Variants in ASAH1 observed in about 807,000 individuals in gnomAD.
ASAH1 encodes N-acylsphingosine amidohydrolase 1.
Under a neutral mutation model 59.5 loss-of-function variants are expected in ASAH1, and 70 were observed. The observed-to-expected ratio is 1.18, with a 90% confidence interval of 0.97 to 1.43. ASAH1 has a LOEUF of 1.43. Ranked by LOEUF, ASAH1 falls within the 40% of genes most tolerant of loss-of-function variation. ASAH1 has a pLI of 0.00. For missense variants in ASAH1, 660 were observed against 482.5 expected (o/e 1.37, Z -3.45); for synonymous variants, 213 against 166.5 (o/e 1.28, Z -2.15).
rs368509218 is a variant in ASAH1 at position 18,084,009 on chromosome 8, C to T, written c.50G>A (p.Ser17Asn). 1 of 1,598,296 alleles carries T rather than the reference C, an allele frequency of 6.3e-7. No individual in the cohort carries two copies. The highest frequency in any genetic ancestry group is 1.1e-5 in the South Asian group (1 of 91,066). Reference protein sequence around the residue: ...VALVLLAAAVSCAVAQHAPPW... With the variant: ...VALVLLAAAVNCAVAQHAPPW... ...CGGCGCGTGCTGCGCGACGGCACAG[C>T]TGACGGCGGCAGCCAGGAGGACTAA... Residue 17 changes from serine (S) to asparagine (N), a missense_variant, in exon 1 of 14, where the codon AGC becomes AAC. Transcript: ENST00000637790.
chr8:18,058,760 G>C (rs534249736), intron 13 of ASAH1, 75 bp downstream of exon 13: 3 of 1,316,792 alleles, frequency 2.3e-6, no homozygotes, highest in South Asian at 1.2e-5. Context: ...ACTGATCAAA[G>C]ATAACAGAGA....
At chr8:18,067,100 T>TGCACCTGTGCTGTATATCGAAGACATACA in intron 5 of ASAH1, 120 bp downstream of exon 5, 1 of 548,496 alleles carries the variant, frequency 1.8e-6, no homozygotes, top group South Asian at 3.8e-5. Context: ...CTAAGACCTG[T>TGCACCTGTGCTGTATATCGAAGACATACA]GCACCTGTGC....
rs1376132586 is a variant in ASAH1 at position 18,061,687 on chromosome 8, C to T, written c.702G>A (p.Leu234=). ...TTCACTTGAGAATGCTCTACTTACC[C>T]AGATAACCACCATTTATACTGAAAC... ...NERFSINGGY[L]GILEWILGKK... is the part of the protein sequence containing the mutation. Residue 234 remains leucine (L), a splice_region_variant and synonymous_variant, in exon 9 of 14, where the codon CTG becomes CTA. Coordinates refer to ENST00000637790, the MANE Select transcript of ASAH1 (RefSeq NM_177924.5). 2.5e-6 allele frequency: 4 copies of T among 1,585,832 alleles called. No individual in the cohort carries two copies. Among genetic ancestry groups the T allele is most frequent in the Non-Finnish European group, 3.4e-6 (4 of 1,164,122 alleles).
intron 4 of ASAH1, chr8:18,068,577 G>C (rs1431193365): frequency 6.6e-6 from 1 of 152,288 alleles, no homozygotes; most frequent in African/African-American, 2.4e-5. Flanking sequence ...TCGACCACGG[G>C]AGATTTGGTA....
intron 2 of ASAH1, among the ~76,000 whole-genome samples, chr8:18,072,159 T>G (rs759008971): frequency 6.6e-6 from 1 of 152,234 alleles, no homozygotes; most frequent in Non-Finnish European, 1.5e-5. Flanking sequence ...CCCTGGTTAC[T>G]AAACTGAAAT....
chr8:18,059,007 C>T, intron 12 of ASAH1, 116 bp from the exon 13 acceptor site: 1 of 929,352 alleles, frequency 1.1e-6, no homozygotes. Context: ...CCCCTCCATC[C>T]CCGCAGTGGA....
At chr8:18,064,726 A>G (rs1799861373) in intron 5 of ASAH1, 195 bp from the exon 6 acceptor site, 2 of 556,382 alleles carry the variant, frequency 3.6e-6, no homozygotes, top group South Asian at 4.9e-5. Flanking sequence ...ACAAGTCACC[A>G]AGGAGGCAGC....
chr8:18,070,019 C>T, intron 3 of ASAH1, 141 bp from the exon 4 acceptor site: 1 of 556,166 alleles, frequency 1.8e-6, no homozygotes, highest in Non-Finnish European at 3.1e-6. Flanking sequence ...CTCGCTCTGT[C>T]ACCCAGGCTG....
intron 7 of ASAH1, chr8:18,062,868 CTTTT>C (rs10562212): frequency 0.03 from 5,458 of 180,484 alleles, 1 homozygote; most frequent in South Asian, 0.071. Context: ...GTTCTGTGTT[CTTTT>C]TTTTTTTTTT....
rs540601875 is a variant in ASAH1, at chr8:18,063,362, G to A, written c.458-132C>T. ...TCTGTTGGCCAGACTGGAGTGCAGT[G>A]GTGCGATCTCAGCTCACTGCGACCT... On this transcript the variant is annotated intron_variant, in intron 6 of 13. Coordinates refer to ENST00000637790, the MANE Select transcript of ASAH1 (RefSeq NM_177924.5). 1.4e-3 allele frequency: 1,156 copies of A among 837,104 alleles called. 6 individuals are homozygous for A. The highest frequency in any genetic ancestry group is 1.9e-3 in the Non-Finnish European group (951 of 497,720). The allele number at this position is 837,104 out of a possible 1,614,324, so 51.9% of individuals were successfully genotyped here. A position where few individuals can be genotyped will look rare whatever the true frequency, so the allele number is the denominator to read the frequency against.
intron 13 of ASAH1, chr8:18,058,048 TC>T (rs952562294): frequency 6.4e-6 from 1 of 155,862 alleles, no homozygotes; most frequent in African/African-American, 2.4e-5. Context: ...GCTTTGGCTA[TC>T]CCTATCCTTA....
intron 7 of ASAH1, 31 bp downstream of exon 7, chr8:18,063,154 C>T (rs1057096109): frequency 6.2e-7 from 1 of 1,609,480 alleles, no homozygotes; most frequent in Non-Finnish European, 8.5e-7. Context: ...AGGCGTGAAC[C>T]ACCATGCCTG....
At chr8:18,069,140 C>CAAA (rs34419879) in intron 4 of ASAH1, among the ~76,000 whole-genome samples, 3 of 90,102 alleles carry the variant, frequency 3.3e-5, no homozygotes, top group African/African-American at 4.7e-5. Context: ...GATGAGGTCT[C>CAAA]AAAAAAAAAA....
At chr8:18,084,468 G>T, upstream of ASAH1, 1 of 1,307,300 alleles carries the variant, frequency 7.6e-7, no homozygotes, top group Non-Finnish European at 1.0e-6. Flanking sequence ...GTACCCAGGC[G>T]TCCTCGGTAC....
Position 18,063,246 on chromosome 8 carries a change from C to G in ASAH1, c.458-16G>C. On this transcript the variant is annotated splice_polypyrimidine_tract_variant and intron_variant, in intron 6 of 13. Coordinates refer to ENST00000637790, the MANE Select transcript of ASAH1 (RefSeq NM_177924.5). ...ATTAGATGACCTATTTGAAGGTAGA[C>G]AGAAGAGACGTGTAATAGCAGTTAA... 6.2e-7 allele frequency: 1 copy of G among 1,608,468 alleles called. No homozygotes were observed. Among genetic ancestry groups the G allele is most frequent in the Non-Finnish European group, 8.5e-7 (1 of 1,174,938 alleles).
chr8:18,059,745 A>C, intron 10 of ASAH1, 42 bp from the exon 11 acceptor site: 1 of 1,507,648 alleles, frequency 6.6e-7, no homozygotes, highest in Non-Finnish European at 9.0e-7. Context: ...ACTTTTTTTT[A>C]ATTTTAGTAA....
chr8:18,062,499 A>G (rs1041112756), intron 7 of ASAH1, 76 bp from the exon 8 acceptor site: 4 of 1,504,694 alleles, frequency 2.7e-6, no homozygotes, highest in South Asian at 2.3e-5. Flanking sequence ...AGGGCCAGGC[A>G]TTACACTAGG....
chr8:18,075,469 T>G (rs1362244868), intron 2 of ASAH1, 72 bp downstream of exon 2: 1 of 1,430,792 alleles, frequency 7.0e-7, no homozygotes, highest in Admixed American at 1.7e-5. Context: ...CGTTCGTTTA[T>G]GAGCAATTAT....
chr8:18,069,611 T>C, intron 4 of ASAH1, 181 bp downstream of exon 4: 1 of 550,680 alleles, frequency 1.8e-6, no homozygotes, highest in Non-Finnish European at 3.3e-6. Context: ...TAATTTGCTA[T>C]GCTGTAACCC....
Sources: allele counts gnomAD v4.1 joint callset (sites outside exome capture counted in the v4.1 genomes callset), GRCh38; gene constraint gnomAD v4.1.1; transcripts MANE v1.5; gene names NCBI Gene and HGNC (gene_info 2026-07-23, HGNC 2026-07-21).